PNPLA1: variants seen among roughly 807,000 people sequenced by gnomAD.
PNPLA1 encodes patatin like domain 1, omega-hydroxyceramide transacylase.
Under a neutral mutation model 51.7 loss-of-function variants are expected in PNPLA1, and 36 were observed. That is an observed-to-expected ratio of 0.70 (90% CI 0.53 to 0.92). The LOEUF is 0.92. Ranked by LOEUF, PNPLA1 falls within the 40% of genes least tolerant of loss-of-function variation. PNPLA1 has a pLI of 0.00. For missense variants in PNPLA1, 658 were observed against 682.5 expected (o/e 0.96, Z 0.40); for synonymous variants, 293 against 280.1 (o/e 1.05, Z -0.46).
At chr6:36,268,555 C>T (rs1769817243), upstream of PNPLA1, among the ~76,000 whole-genome samples, 1 of 152,200 alleles carries the variant, frequency 6.6e-6, no homozygotes, top group Non-Finnish European at 1.5e-5. Flanking sequence ...CCTGCTCCTC[C>T]CAGCTGCCTC....
At chr6:36,276,619 T>C (rs1386093013) in intron 1 of PNPLA1, among the ~76,000 whole-genome samples, 3 of 152,204 alleles carry the variant, frequency 2.0e-5, no homozygotes, top group Admixed American at 2.0e-4. Context: ...AAAAACAAAA[T>C]GTTTCTTATG....
intron 1 of PNPLA1, among the ~76,000 whole-genome samples, chr6:36,273,747 A>C (rs1770002180): frequency 6.6e-6 from 1 of 151,264 alleles, no homozygotes; most frequent in African/African-American, 2.4e-5. Flanking sequence ...AAAAAAAAAA[A>C]AAAAAGATGA....
In PNPLA1 at chr6:36,313,898, T is replaced by G. The variant is rs1255968145; in HGVS notation, c.*2012T>G. On this transcript the variant is annotated 3_prime_UTR_variant, in exon 9 of 9. Transcript: ENST00000636260. ...TCAAAGTCTGTATTTAGAGCCCAGA[T>G]GCTCTTAATGTCAATTATGTTAAAC... Among the ~76,000 whole-genome samples, 1 of 152,264 alleles carries G rather than the reference T, an allele frequency of 6.6e-6. No homozygotes were observed. Among genetic ancestry groups the G allele is most frequent in the Non-Finnish European group, 1.5e-5 (1 of 68,048 alleles).
At chr6:36,249,128 A>G (rs1221877563) in intron 1 of PNPLA1, among the ~76,000 whole-genome samples, 1 of 152,224 alleles carries the variant, frequency 6.6e-6, no homozygotes, top group East Asian at 1.9e-4. Flanking sequence ...TTCTCCTCCT[A>G]GAGACTTCCC....
chr6:36,265,995 T>G (rs1269590745), upstream of PNPLA1, among the ~76,000 whole-genome samples: 1 of 152,160 alleles, frequency 6.6e-6, no homozygotes, highest in Middle Eastern at 3.2e-3. Context: ...CTTCCCTCAT[T>G]CTCTCTCTCA....
At chr6:36,301,484 T>C (rs571796425) in intron 5 of PNPLA1, among the ~76,000 whole-genome samples, 42 of 152,198 alleles carry the variant, frequency 2.8e-4, no homozygotes, top group Non-Finnish European at 5.6e-4. Context: ...TTGTGGCCTT[T>C]GTGTGTGCTG....
chr6:36,306,680 A>T (rs59825688), intron 7 of PNPLA1, among the ~76,000 whole-genome samples: 16 of 151,196 alleles, frequency 1.1e-4, no homozygotes, highest in Admixed American at 5.3e-4. Context: ...CTCATATTTT[A>T]CTCTCTGGTG....
intron 5 of PNPLA1, among the ~76,000 whole-genome samples, chr6:36,301,230 T>C (rs897367751): frequency 6.7e-6 from 1 of 150,260 alleles, no homozygotes; most frequent in African/African-American, 2.4e-5. Context: ...AGGCAACCCT[T>C]TCACCTTTCT....
At chr6:36,310,899 G>A (rs114087626) in intron 8 of PNPLA1, among the ~76,000 whole-genome samples, 2,561 of 152,344 alleles carry the variant, frequency 0.017, 31 homozygotes, top group Middle Eastern at 0.027. Context: ...GAAGCTGAAT[G>A]TGGAAGCATC....
At chr6:36,280,099 G>A (rs1770232888) in intron 1 of PNPLA1, among the ~76,000 whole-genome samples, 1 of 152,166 alleles carries the variant, frequency 6.6e-6, no homozygotes, top group South Asian at 2.1e-4. Flanking sequence ...GTAGCTACTC[G>A]GGAGGCTGAA....
At chr6:36,288,437 G>A (rs932403203) in intron 1 of PNPLA1, among the ~76,000 whole-genome samples, 5 of 139,448 alleles carry the variant, frequency 3.6e-5, no homozygotes, top group African/African-American at 5.3e-5. Context: ...AACATAAGGA[G>A]ACCCTATTTT....
Position 36,251,857 on chromosome 6 carries a change from A to G in PNPLA1, c.-81+8596A>G, listed in dbSNP as rs140392996. 3.2e-3 allele frequency among the ~76,000 whole-genome samples: 483 copies of G among 152,138 alleles called. 3 individuals carry two copies. Among genetic ancestry groups the G allele is most frequent in the Non-Finnish European group, 5.5e-3 (377 of 68,000 alleles). ...CTACATGGGAGGCTGAGACAGGAGG[A>G]TTGCTTGGGCCCAGGAATTCTAGGT... is the stretch of plus-strand genomic sequence containing the variant. On this transcript the variant is annotated intron_variant, in intron 1 of 7. Transcript: ENST00000312917.
intron 1 of PNPLA1, among the ~76,000 whole-genome samples, chr6:36,286,366 C>T (rs143421402): frequency 0.045 from 6,858 of 152,116 alleles, 464 homozygotes; most frequent in African/African-American, 0.15. Flanking sequence ...GCCTGTAATC[C>T]CCACACTTTG....
At chr6:36,277,008 G>T (rs1195595234) in intron 1 of PNPLA1, among the ~76,000 whole-genome samples, 1 of 152,204 alleles carries the variant, frequency 6.6e-6, no homozygotes, top group Admixed American at 6.5e-5. Context: ...AAACATGGAA[G>T]GCCTCATAGA....
chr6:36,263,293 T>C (rs1241749738), intron 1 of PNPLA1, among the ~76,000 whole-genome samples: 2 of 152,040 alleles, frequency 1.3e-5, no homozygotes. Flanking sequence ...GCGGAGCCAA[T>C]ATTAGTACCA....
intron 1 of PNPLA1, among the ~76,000 whole-genome samples, chr6:36,260,911 C>T (rs1251063803): frequency 3.9e-5 from 6 of 152,134 alleles, no homozygotes; most frequent in Non-Finnish European, 7.4e-5. Context: ...GCAGCCTTGA[C>T]CTCCCAGGCT....
At chr6:36,271,045 C>T (rs1769902200) in intron 1 of PNPLA1, among the ~76,000 whole-genome samples, 1 of 152,178 alleles carries the variant, frequency 6.6e-6, no homozygotes, top group African/African-American at 2.4e-5. Flanking sequence ...CCTGCCTGGC[C>T]TCTTTCAAAA....
At chr6:36,249,817 A>G (rs1258466014) in intron 1 of PNPLA1, among the ~76,000 whole-genome samples, 1 of 152,234 alleles carries the variant, frequency 6.6e-6, no homozygotes, top group African/African-American at 2.4e-5. Context: ...CAATTTCTTC[A>G]TATGTAAAAC....
At chr6:36,251,214 G>T (rs998267541) in intron 1 of PNPLA1, among the ~76,000 whole-genome samples, 2 of 152,030 alleles carry the variant, frequency 1.3e-5, no homozygotes, top group African/African-American at 4.8e-5. Context: ...GCATTAGTCA[G>T]CTTTGGCTAG....
Sources: gnomAD v4.1 joint callset for allele counts (sites outside exome capture counted in the v4.1 genomes callset) on GRCh38, gnomAD v4.1.1 for gene constraint, MANE v1.5 for transcripts, NCBI Gene and HGNC (gene_info 2026-07-23, HGNC 2026-07-21) for gene names.